Variants in UGT2A2 observed in about 807,000 individuals in gnomAD.
UGT2A2 encodes the protein UDP glucuronosyltransferase family 2 member A2.
A neutral mutation model predicts 50.7 loss-of-function variants in UGT2A2; 60 were observed. The ratio of observed to expected loss-of-function variants is 1.18; its 90% confidence interval spans 0.96 to 1.47. The LOEUF is 1.47. UGT2A2 is among the 40% of genes most tolerant of loss of function. UGT2A2 has a pLI of 0.00. For missense variants in UGT2A2, 762 were observed against 634.0 expected, an observed-to-expected ratio of 1.20 and a Z score of -2.17; for synonymous variants, 242 against 214.6, an observed-to-expected ratio of 1.13 and a Z score of -1.11.
chr4:69,637,514 TAAA>T (rs1721777569), intron 1 of UGT2A2, among the ~76,000 whole-genome samples: 1 of 152,100 alleles, frequency 6.6e-6, no homozygotes, highest in South Asian at 2.1e-4. Context: ...TACCTACTCC[TAAA>T]AGGCTTTTCC....
At chr4:69,619,228 C>A (rs1577976495) in intron 1 of UGT2A2, among the ~76,000 whole-genome samples, 2 of 151,648 alleles carry the variant, frequency 1.3e-5, no homozygotes, top group Admixed American at 6.6e-5. Context: ...GGAGACATAT[C>A]TCTATAAAAA....
At chr4:69,631,010 G>A (rs1434760931) in intron 1 of UGT2A2, among the ~76,000 whole-genome samples, 3 of 152,082 alleles carry the variant, frequency 2.0e-5, no homozygotes, top group African/African-American at 7.2e-5. Flanking sequence ...GGATGTCCCA[G>A]CTCTCTAGAT....
In UGT2A2 at chr4:69,626,040, G is replaced by A. The variant is rs190198133; in HGVS notation, c.742+12859C>T. ...TAATTCTATCATGTATGTCATGACT[G>A]TGAACTTGTCTGTTTAATAATATGC... On this transcript the variant is annotated intron_variant, in intron 1 of 5. Coordinates refer to ENST00000604629, the MANE Select transcript of UGT2A2 (RefSeq NM_001105677.2). 3.5e-4 allele frequency among the ~76,000 whole-genome samples: 53 copies of A among 151,620 alleles called. No homozygotes were observed. The East Asian group carries it at 8.1e-3, about 23-fold the overall frequency.
In UGT2A2 at chr4:69,635,828, C is replaced by CAAAAAAAAAAAAATAA. The variant is rs1721659414; in HGVS notation, c.742+3070_742+3071insTTATTTTTTTTTTTTT. 2 of 49,134 alleles carry CAAAAAAAAAAAAATAA rather than the reference C, an allele frequency of 4.1e-5. 1 individual carries two copies. Among genetic ancestry groups the CAAAAAAAAAAAAATAA allele is most frequent in the Admixed American group, 6.4e-4 (2 of 3,114 alleles). The allele number at this position is 49,134 out of a possible 1,614,324, so 3.0% of individuals were successfully genotyped here. On this transcript the variant is annotated intron_variant, in intron 1 of 5. Transcript: ENST00000604629. ...GCAACAGAGTAAGAGTCCACCTCACCAAAAAAAAAAAAAAAAAAAAAAGAG... is the reference window on the plus strand; with the variant it reads ...GCAACAGAGTAAGAGTCCACCTCACCAAAAAAAAAAAAATAAAAAAAAAAAAAAAAAAAAAAAAGAG...
At chr4:69,589,891 C>A (rs370288222) in intron 5 of UGT2A2, among the ~76,000 whole-genome samples, 1 of 152,036 alleles carries the variant, frequency 6.6e-6, no homozygotes, top group Non-Finnish European at 1.5e-5. Context: ...TAGAGTAAGC[C>A]AGTTGTAAAT....
At chr4:69,638,873 T>G in intron 1 of UGT2A2, 26 bp downstream of exon 1, 1 of 1,523,398 alleles carries the variant, frequency 6.6e-7, no homozygotes, top group East Asian at 2.3e-5. Context: ...TGTGGAGTCA[T>G]TAAAAAGAGA....
chr4:69,627,143 A>G (rs1484118135), intron 1 of UGT2A2, among the ~76,000 whole-genome samples: 2 of 151,900 alleles, frequency 1.3e-5, no homozygotes, highest in Non-Finnish European at 2.9e-5. Flanking sequence ...ACACATAAAC[A>G]TTTTCTATTA....
At chr4:69,593,967 C>CTTTTTTTTTTTTTTTTTT (rs200066453) in intron 5 of UGT2A2, among the ~76,000 whole-genome samples, 5 of 107,818 alleles carry the variant, frequency 4.6e-5, no homozygotes, top group African/African-American at 3.5e-5. Flanking sequence ...TATTTGAAGT[C>CTTTTTTTTTTTTTTTTTT]TTTTTTTTTG....
At chr4:69,607,650 A>C (rs1257649381) in intron 1 of UGT2A2, among the ~76,000 whole-genome samples, 2 of 152,190 alleles carry the variant, frequency 1.3e-5, no homozygotes, top group Non-Finnish European at 2.9e-5. Flanking sequence ...GAATGGGAGA[A>C]AATTTTTGCA....
chr4:69,639,149 A>G lies in UGT2A2; in HGVS notation c.492T>C (p.Cys164=). The G allele has an allele frequency of 6.2e-7, 1 of 1,613,680 alleles. No individual in the cohort carries two copies. The change falls in exon 1 of 6, where the codon TGT becomes TGC. Residue 164 remains cysteine, a synonymous_variant. Transcript: ENST00000604629. ...DVLVADPVTI[C]GDLVALKLGI... ...CTAATTTCAGAGCAACAAGATCACCACAGATTGTTACTGGGTCTGCTACCA... is the reference window on the plus strand; with the variant it reads ...CTAATTTCAGAGCAACAAGATCACCGCAGATTGTTACTGGGTCTGCTACCA...
At chr4:69,600,734 CA>C (rs1719233909) in intron 1 of UGT2A2, among the ~76,000 whole-genome samples, 1 of 151,614 alleles carries the variant, frequency 6.6e-6, no homozygotes, top group African/African-American at 2.4e-5. Flanking sequence ...TGGCAGAAGG[CA>C]ACAGAGCAGC....
At chr4:69,621,519 G>A (rs1720757049) in intron 1 of UGT2A2, among the ~76,000 whole-genome samples, 1 of 151,928 alleles carries the variant, frequency 6.6e-6, no homozygotes, top group Admixed American at 6.6e-5. Flanking sequence ...TGGCGAGGTT[G>A]CAGAGAAAAG....
At chr4:69,626,033 C>A (rs1049528498) in intron 1 of UGT2A2, among the ~76,000 whole-genome samples, 2 of 151,532 alleles carry the variant, frequency 1.3e-5, no homozygotes, top group African/African-American at 4.8e-5. Context: ...TCATGTATGT[C>A]ATGACTGTGA....
intron 1 of UGT2A2, among the ~76,000 whole-genome samples, chr4:69,631,255 T>C (rs1364653489): frequency 1.3e-5 from 2 of 152,236 alleles, no homozygotes; most frequent in East Asian, 3.9e-4. Context: ...TGGAGGTAAA[T>C]AGATCTATCT....
intron 1 of UGT2A2, among the ~76,000 whole-genome samples, chr4:69,628,672 C>T (rs1387835591): frequency 6.8e-6 from 1 of 146,716 alleles, no homozygotes; most frequent in Non-Finnish European, 1.5e-5. Flanking sequence ...TTAACATAAG[C>T]TTAAATGGGA....
chr4:69,634,272 A>AAAC (rs1553907357), intron 1 of UGT2A2, among the ~76,000 whole-genome samples: 1 of 148,914 alleles, frequency 6.7e-6, no homozygotes, highest in Non-Finnish European at 1.5e-5. Context: ...AAACAAAACA[A>AAAC]AACAACAACA....
At chr4:69,616,386 T>G (rs2109927479) in intron 1 of UGT2A2, among the ~76,000 whole-genome samples, 1 of 152,066 alleles carries the variant, frequency 6.6e-6, no homozygotes, top group Non-Finnish European at 1.5e-5. Context: ...GAATTGGAAT[T>G]TTCCTAACAT....
chr4:69,633,703 CATA>C (rs1389710736), intron 1 of UGT2A2, among the ~76,000 whole-genome samples: 3 of 152,052 alleles, frequency 2.0e-5, no homozygotes, highest in Non-Finnish European at 4.4e-5. Flanking sequence ...CAAAGGAGTA[CATA>C]ATGTGTGATT....
rs1279043800 is a variant in UGT2A2 at position 69,605,778 on chromosome 4, G to C, written c.743-6384C>G. Among the ~76,000 whole-genome samples, 3 of 137,048 alleles carry C rather than the reference G, an allele frequency of 2.2e-5. 1 individual carries two copies. Among genetic ancestry groups the C allele is most frequent in the Non-Finnish European group, 1.6e-5 (1 of 64,322 alleles). 89.9% of individuals were successfully genotyped at this position (137,048 alleles called of 152,430 possible). On this transcript the variant is annotated intron_variant, in intron 1 of 5. Transcript: ENST00000604629. ...CCCACAGAAATACAAAGTACCATCA[G>C]AGAATACTATAAACACCTCTACACA...
Sources: allele counts gnomAD v4.1 joint callset (sites outside exome capture counted in the v4.1 genomes callset), GRCh38; gene constraint gnomAD v4.1.1; transcripts MANE v1.5; gene names NCBI Gene and HGNC (gene_info 2026-07-23, HGNC 2026-07-21).